SGCG: variants seen among roughly 807,000 people sequenced by gnomAD.
SGCG encodes sarcoglycan gamma.
A neutral mutation model predicts 29.3 loss-of-function variants in SGCG; 26 were observed. That is an observed-to-expected ratio of 0.89 (90% confidence interval 0.65 to 1.23). The LOEUF (loss-of-function observed/expected upper bound fraction) is 1.23, where lower values mean the gene tolerates loss of function less well. Among genes scored for constraint, SGCG ranks in the 50% most tolerant of loss-of-function variants. SGCG has a pLI of 0.00. For synonymous variants in SGCG, 145 were observed against 129.7 expected (o/e 1.12, Z -0.80); for missense variants, 353 against 356.0 (o/e 0.99, Z 0.07).
chr13:23,179,748 A>G (rs929603729), upstream of SGCG, among the ~76,000 whole-genome samples: 32 of 152,220 alleles, frequency 2.1e-4, 1 homozygote, highest in African/African-American at 7.5e-4. Context: ...TGCTGGTATG[A>G]TAGAAGTATC....
chr13:23,174,175 C>T, the SGCG span, among the ~76,000 whole-genome samples: 1 of 152,098 alleles, frequency 6.6e-6, no homozygotes, highest in Non-Finnish European at 1.5e-5. Context: ...AGTGAAGGTC[C>T]AGAGAACAAT....
intron 5 of SGCG, among the ~76,000 whole-genome samples, chr13:23,294,918 C>T (rs1341529330): frequency 6.6e-6 from 1 of 152,092 alleles, no homozygotes; most frequent in African/African-American, 2.4e-5. Flanking sequence ...TTCTCAGACT[C>T]ATGAAACAAC....
intron 1 of SGCG, among the ~76,000 whole-genome samples, chr13:23,185,593 C>T (rs1293781044): frequency 6.6e-6 from 1 of 152,124 alleles, no homozygotes; most frequent in East Asian, 1.9e-4. Context: ...TATTGGAACC[C>T]ATCTTGAAAA....
rs74980992 is a variant in SGCG, at chr13:23,231,522, C to T, written c.196-3089C>T. Among the ~76,000 whole-genome samples the T allele has an allele frequency of 3.1e-3, 474 of 152,078 alleles. 3 individuals carry two copies. The highest frequency in any genetic ancestry group is 0.011 in the African/African-American group (448 of 41,486). On this transcript the variant is annotated intron_variant, in intron 2 of 7. Coordinates refer to ENST00000218867, the MANE Select transcript of SGCG (RefSeq NM_000231.3). ...ACAAATAGAGTCCAGAAAACTGCCACCATATGTTTACTTGAACCCAGAAAT... is the reference window on the plus strand; with the variant it reads ...ACAAATAGAGTCCAGAAAACTGCCATCATATGTTTACTTGAACCCAGAAAT...
intron 2 of SGCG, among the ~76,000 whole-genome samples, chr13:23,216,089 A>G (rs1264263266): frequency 6.6e-6 from 1 of 152,198 alleles, no homozygotes. Flanking sequence ...CAGAATTATC[A>G]TGGACATTCC....
Position 23,234,671 on chromosome 13 carries a change from T to G in SGCG, c.256T>G (p.Phe86Val). 4 of 1,612,468 alleles carry G rather than the reference T, an allele frequency of 2.5e-6. No individual in the cohort carries two copies. Among genetic ancestry groups the G allele is most frequent in the Non-Finnish European group, 3.4e-6 (4 of 1,178,628 alleles). ...DGLRLEGESE[F>V]LFPLYAKEIH... Reference sequence around the variant, plus strand: ...ACTGCGCTTGGAAGGGGAATCAGAATTTTTATTCCCATTGTATGCCAAAGA... The same window carrying G: ...ACTGCGCTTGGAAGGGGAATCAGAAGTTTTATTCCCATTGTATGCCAAAGA... The change falls in exon 3 of 8, where the codon TTT becomes GTT. Residue 86 changes from phenylalanine (F) to valine (V), a missense_variant. Phe to Val is a conservative substitution (Grantham distance 50). Coordinates refer to ENST00000218867, the MANE Select transcript of SGCG (RefSeq NM_000231.3).
At position 23,250,692 on chromosome 13, in the gene SGCG, G is replaced by A. The variant is rs755373825; in HGVS notation, c.360G>A (p.Gly120=). Residue 120 remains glycine, a synonymous_variant, in exon 4 of 8, where the codon GGG becomes GGA. Transcript: ENST00000218867. ...NVTVNARNSE[G]EVTGRLKVGP... ...CTGTAAATGCGCGCAACTCAGAAGG[G>A]GAGGTCACAGGCAGGTTAAAAGTCG... 15 of 1,611,622 alleles carry A rather than the reference G, an allele frequency of 9.3e-6. No homozygotes were observed. The highest frequency in any genetic ancestry group is 1.2e-5 in the Non-Finnish European group (14 of 1,177,892).
At chr13:23,295,170 G>A (rs1243039697) in intron 5 of SGCG, among the ~76,000 whole-genome samples, 1 of 151,844 alleles carries the variant, frequency 6.6e-6, no homozygotes, top group Non-Finnish European at 1.5e-5. Flanking sequence ...TTTAAAATAA[G>A]CCTGCTAATT....
intron 6 of SGCG, among the ~76,000 whole-genome samples, chr13:23,299,441 TATATA>T (rs1472615781): frequency 0.012 from 261 of 21,724 alleles, 22 homozygotes; most frequent in Admixed American, 0.022. Context: ...TATATATATA[TATATA>T]TATATATATA....
intron 6 of SGCG, among the ~76,000 whole-genome samples, chr13:23,306,926 G>A (rs1459697420): frequency 6.6e-6 from 1 of 152,176 alleles, no homozygotes; most frequent in African/African-American, 2.4e-5. Context: ...ATAAAGTGCT[G>A]TTAAATCCAG....
intron 4 of SGCG, among the ~76,000 whole-genome samples, chr13:23,260,896 A>G (rs1880406913): frequency 6.6e-6 from 1 of 152,168 alleles, no homozygotes; most frequent in South Asian, 2.1e-4. Flanking sequence ...ACTTTCTGCC[A>G]AGAGATCTGC....
At chr13:23,216,777 T>C (rs9805521) in intron 2 of SGCG, among the ~76,000 whole-genome samples, 20,256 of 152,154 alleles carry the variant, frequency 0.13, 1,453 homozygotes, top group Middle Eastern at 0.17. Context: ...AACTGTAATA[T>C]AGTTCTCTGT....
intron 7 of SGCG, 152 bp from the exon 8 acceptor site, chr13:23,324,216 G>A: frequency 4.2e-6 from 3 of 715,232 alleles, no homozygotes; most frequent in East Asian, 5.4e-5. Flanking sequence ...TAAAAGAATC[G>A]GATAATTACG....
chr13:23,211,775 T>C (rs1878222518), intron 2 of SGCG, among the ~76,000 whole-genome samples: 1 of 152,156 alleles, frequency 6.6e-6, no homozygotes, highest in Non-Finnish European at 1.5e-5. Context: ...GACAGTTCTC[T>C]CTTGCTTCAG....
In SGCG at chr13:23,278,707, G is replaced by A. The variant is rs562760454; in HGVS notation, c.386-652G>A. 9.2e-5 allele frequency among the ~76,000 whole-genome samples: 14 copies of A among 152,302 alleles called. No individual in the cohort carries two copies. The South Asian group carries it at 2.1e-3, about 23-fold the overall frequency. On this transcript the variant is annotated intron_variant, in intron 4 of 7. Transcript: ENST00000218867. ...AGTGAGCACCCACAAAACACCTGCTGAATAGATGAAAGAGCTGGAAGGCAA... is the reference window on the plus strand; with the variant it reads ...AGTGAGCACCCACAAAACACCTGCTAAATAGATGAAAGAGCTGGAAGGCAA...
Position 23,320,617 on chromosome 13 carries a change from G to GTTT in SGCG, c.579-20_579-19insTTT. On this transcript the variant is annotated intron_variant, in intron 6 of 7. Coordinates refer to ENST00000218867, the MANE Select transcript of SGCG (RefSeq NM_000231.3). ...TAATACTTTTTTTTTTTTTTTTTGT[G>GTTT]CTTCTTTTCCTCATCTCAGATTAGA... 5.5e-6 allele frequency: 5 copies of GTTT among 912,342 alleles called. No individual in the cohort carries two copies. The highest frequency in any genetic ancestry group is 6.3e-5 in the Admixed American group (2 of 31,956). The allele number at this position is 912,342 out of a possible 1,614,324, so 56.5% of individuals were successfully genotyped here.
chr13:23,266,217 A>G (rs1021549413), intron 4 of SGCG, among the ~76,000 whole-genome samples: 1 of 151,754 alleles, frequency 6.6e-6, no homozygotes, highest in African/African-American at 2.4e-5. Flanking sequence ...GGTTGCAGTG[A>G]GCCGAGATCA....
intron 1 of SGCG, among the ~76,000 whole-genome samples, chr13:23,193,813 G>A (rs755314157): frequency 4.6e-5 from 7 of 152,042 alleles, no homozygotes; most frequent in Non-Finnish European, 7.4e-5. Context: ...ATAATGAATA[G>A]GATCACCTTG....
intron 3 of SGCG, among the ~76,000 whole-genome samples, chr13:23,248,938 C>G (rs1879843417): frequency 6.7e-6 from 1 of 149,900 alleles, no homozygotes; most frequent in African/African-American, 2.5e-5. Flanking sequence ...TTGCAGTGAG[C>G]CGAGATCGTG....
Sources: gnomAD v4.1 joint callset for allele counts (sites outside exome capture counted in the v4.1 genomes callset) on GRCh38, gnomAD v4.1.1 for gene constraint, MANE v1.5 for transcripts, NCBI Gene and HGNC (gene_info 2026-07-23, HGNC 2026-07-21) for gene names.